CDH18: variants seen among roughly 807,000 people sequenced by gnomAD.
The protein encoded by CDH18 is cadherin 18.
CDH18 carries 31 observed loss-of-function variants against 67.9 expected under a neutral mutation model. The ratio of observed to expected loss-of-function variants is 0.46; its 90% CI spans 0.34 to 0.62. CDH18 has a LOEUF of 0.62. CDH18 is among the 20% of genes least tolerant of loss of function. The pLI, the probability that CDH18 is intolerant of heterozygous loss-of-function variation, is 0.01. For synonymous variants in CDH18, 362 were observed against 347.2 expected (o/e 1.04, Z -0.48); for missense variants, 890 against 975.5 (o/e 0.91, Z 1.17).
intron 3 of CDH18, among the ~76,000 whole-genome samples, chr5:19,748,037 T>C (rs62353609): frequency 2.6e-4 from 35 of 136,628 alleles, no homozygotes; most frequent in East Asian, 1.3e-3. Flanking sequence ...GGCGTGAACC[T>C]GGGAGGCGGA....
intron 2 of CDH18, among the ~76,000 whole-genome samples, chr5:20,126,841 CT>C (rs752141323): frequency 1.3e-5 from 2 of 152,034 alleles, no homozygotes; most frequent in Non-Finnish European, 2.9e-5. Flanking sequence ...CAAATTGAAA[CT>C]TTTGTGCACT....
At chr5:19,796,906 CA>C (rs1326921042) in intron 3 of CDH18, among the ~76,000 whole-genome samples, 6 of 151,634 alleles carry the variant, frequency 4.0e-5, no homozygotes, top group African/African-American at 1.5e-4. Flanking sequence ...GAAGTATACT[CA>C]AAAACAGAAT....
rs139511519 is a variant in CDH18, at chr5:19,508,207, T to C, written c.1513-5098A>G. ...CTTTCATCATGTAATAGAATTTGCA[T>C]TCATTGTTACCTTAGACTTTCTTTA... is the stretch of plus-strand genomic sequence containing the variant. On this transcript the variant is annotated intron_variant, in intron 10 of 12. Coordinates refer to ENST00000382275, the MANE Select transcript of CDH18 (RefSeq NM_004934.5). 1.2e-4 allele frequency among the ~76,000 whole-genome samples: 19 copies of C among 152,260 alleles called. 1 individual carries two copies. The highest frequency in any genetic ancestry group is 4.3e-4 in the African/African-American group (18 of 41,574).
At chr5:19,579,458 G>T in intron 7 of CDH18, among the ~76,000 whole-genome samples, 2 of 150,354 alleles carry the variant, frequency 1.3e-5, no homozygotes, top group Non-Finnish European at 3.0e-5. Context: ...TTCTATTTTT[G>T]TTTATTTTTT....
intron 3 of CDH18, among the ~76,000 whole-genome samples, chr5:19,809,147 T>C (rs900440502): frequency 2.2e-4 from 34 of 152,024 alleles, no homozygotes; most frequent in Non-Finnish European, 4.4e-5. Context: ...TTAGAAATGG[T>C]ATATAAAAAT....
chr5:20,413,179 T>A (rs1413131135), intron 1 of CDH18, among the ~76,000 whole-genome samples: 2 of 152,240 alleles, frequency 1.3e-5, no homozygotes, highest in Non-Finnish European at 2.9e-5. Flanking sequence ...CCGTGGTGTA[T>A]ATGTGCCACA....
chr5:19,964,980 T>C (rs185251873), intron 2 of CDH18, among the ~76,000 whole-genome samples: 1 of 152,102 alleles, frequency 6.6e-6, no homozygotes, highest in East Asian at 1.9e-4. Context: ...TATTATCAGG[T>C]GCAAAATTTG....
At chr5:20,208,332 T>C (rs116334173) in intron 2 of CDH18, among the ~76,000 whole-genome samples, 2,382 of 152,214 alleles carry the variant, frequency 0.016, 33 homozygotes, top group South Asian at 0.046. Flanking sequence ...TTGATTCAAT[T>C]GCCTTTCACC....
chr5:19,954,641 C>A (rs1189786904), intron 2 of CDH18, among the ~76,000 whole-genome samples: 1 of 151,768 alleles, frequency 6.6e-6, no homozygotes, highest in Non-Finnish European at 1.5e-5. Flanking sequence ...ACCAAGATAA[C>A]CAATCTGAAT....
chr5:20,017,715 G>C (rs1042047744), intron 2 of CDH18, among the ~76,000 whole-genome samples: 2 of 152,118 alleles, frequency 1.3e-5, no homozygotes, highest in African/African-American at 4.8e-5. Context: ...CTTTAGCCTT[G>C]AAGCCAGAAA....
At chr5:20,342,517 G>A (rs1254320358) in intron 1 of CDH18, among the ~76,000 whole-genome samples, 2 of 152,094 alleles carry the variant, frequency 1.3e-5, no homozygotes, top group Non-Finnish European at 2.9e-5. Flanking sequence ...TAAAGTCCCG[G>A]CAGGACCCTA....
At chr5:19,596,624 C>T (rs182322305) in intron 6 of CDH18, among the ~76,000 whole-genome samples, 2 of 152,114 alleles carry the variant, frequency 1.3e-5, no homozygotes, top group South Asian at 2.1e-4. Context: ...TTTCACAAAG[C>T]GGATTGCAAA....
chr5:20,544,429 A>G (rs1027208493), intron 1 of CDH18, among the ~76,000 whole-genome samples: 10 of 152,156 alleles, frequency 6.6e-5, no homozygotes, highest in Admixed American at 5.9e-4. Flanking sequence ...ACTGCTATAA[A>G]GATACTACCT....
rs1360979189 is a variant in CDH18, at chr5:19,606,855, A to G, written c.811+5579T>C. ...TACAACCATTAGTCAGATTTTTAAA[A>G]AGTAAATACCTAGGTGCATTGTAGG... is the stretch of plus-strand genomic sequence containing the variant. On this transcript the variant is annotated intron_variant, in intron 6 of 12. Coordinates refer to ENST00000382275, the MANE Select transcript of CDH18 (RefSeq NM_004934.5). Among the ~76,000 whole-genome samples the G allele has an allele frequency of 2.6e-5, 4 of 151,980 alleles. No homozygotes were observed. In the East Asian group the frequency reaches 7.7e-4, roughly 29 times the overall value.
intron 2 of CDH18, among the ~76,000 whole-genome samples, chr5:19,979,716 A>G (rs1420906603): frequency 6.6e-6 from 1 of 152,226 alleles, no homozygotes; most frequent in African/African-American, 2.4e-5. Flanking sequence ...GTTGACTAAT[A>G]AAATACATAG....
upstream of CDH18, chr5:19,988,216 C>G (rs963141775): frequency 1.3e-5 from 2 of 152,142 alleles, no homozygotes; most frequent in South Asian, 2.1e-4. Context: ...CCGCGCACCT[C>G]GAGCCCTGGG....
intron 2 of CDH18, among the ~76,000 whole-genome samples, chr5:19,995,786 TAAAC>T (rs761642386): frequency 2.3e-4 from 35 of 152,046 alleles, no homozygotes; most frequent in Admixed American, 3.3e-4. Flanking sequence ...AAGTCACAAA[TAAAC>T]AAAATCTTAC....
chr5:19,492,068 C>CAA (rs140715308), intron 11 of CDH18, among the ~76,000 whole-genome samples: 1 of 149,772 alleles, frequency 6.7e-6, no homozygotes, highest in African/African-American at 2.4e-5. Flanking sequence ...AGCAAATCAT[C>CAA]AAAAAAAAAT....
At chr5:19,544,303 A>T (rs1047988166) in intron 8 of CDH18, among the ~76,000 whole-genome samples, 1 of 152,008 alleles carries the variant, frequency 6.6e-6, no homozygotes, top group Non-Finnish European at 1.5e-5. Flanking sequence ...AAAAGAACTC[A>T]CCTCTTGGAA....
Sources: allele counts gnomAD v4.1 joint callset (sites outside exome capture counted in the v4.1 genomes callset), GRCh38; gene constraint gnomAD v4.1.1; transcripts MANE v1.5; gene names NCBI Gene and HGNC (gene_info 2026-07-23, HGNC 2026-07-21).